The following RIMS2 variants were observed in gnomAD, a reference collection of about 807,000 sequenced individuals.
RIMS2 encodes the protein regulating synaptic membrane exocytosis protein 2.
In RIMS2, 59 loss-of-function variants were observed where a neutral mutation model predicts 174.4. That is an observed-to-expected ratio of 0.34 (90% CI 0.27 to 0.42). RIMS2 has a LOEUF of 0.42. Among genes scored for constraint, RIMS2 ranks in the 10% least tolerant of loss-of-function variants. RIMS2 has a pLI of 1.00. For missense variants in RIMS2, 1,620 were observed against 1,666.3 expected (o/e 0.97, Z 0.48); for synonymous variants, 606 against 572.5 (o/e 1.06, Z -0.84).
In RIMS2 at chr8:103,713,797, G is replaced by A. The variant is rs147627661; in HGVS notation, c.387+16501G>A. Among the ~76,000 whole-genome samples the A allele has an allele frequency of 2.2e-3, 332 of 152,144 alleles. 1 individual carries two copies. Among genetic ancestry groups the A allele is most frequent in the African/African-American group, 6.8e-3 (284 of 41,514 alleles). On this transcript the variant is annotated intron_variant, in intron 2 of 23. Transcript: ENST00000504942. ...GTTTCTAATGGCATAAAGAGTCACCGCTCTCTGATTTATTCCTTGCCTAAC... is the reference window on the plus strand; with the variant it reads ...GTTTCTAATGGCATAAAGAGTCACCACTCTCTGATTTATTCCTTGCCTAAC...
intron 17 of RIMS2, among the ~76,000 whole-genome samples, chr8:104,000,768 G>A (rs1324761625): frequency 6.6e-6 from 1 of 151,798 alleles, no homozygotes; most frequent in Middle Eastern, 3.2e-3. Flanking sequence ...TGGGTGAAAT[G>A]ATATCTCATT....
chr8:103,815,423 A>G (rs886853990), intron 3 of RIMS2, among the ~76,000 whole-genome samples: 1 of 152,144 alleles, frequency 6.6e-6, no homozygotes, highest in Admixed American at 6.5e-5. Context: ...TTTGCTTCCA[A>G]AAGTTCCTTA....
At chr8:104,210,665 T>C (rs1214461608) in intron 19 of RIMS2, among the ~76,000 whole-genome samples, 3 of 152,320 alleles carry the variant, frequency 2.0e-5, no homozygotes, top group South Asian at 4.1e-4. Context: ...TGTTTGCCCA[T>C]AGACTTCTGG....
chr8:103,653,037 TA>T (rs1162690568), intron 1 of RIMS2, among the ~76,000 whole-genome samples: 1 of 152,166 alleles, frequency 6.6e-6, no homozygotes, highest in African/African-American at 2.4e-5. Context: ...TAGAGGACAT[TA>T]AAAGATATTA....
chr8:103,890,582 C>T (rs146389559), intron 4 of RIMS2, among the ~76,000 whole-genome samples: 110 of 152,124 alleles, frequency 7.2e-4, no homozygotes, highest in Non-Finnish European at 1.1e-3. Flanking sequence ...TTTTCTTTTA[C>T]TCAGTGTGAT....
At chr8:103,612,622 A>G (rs1458659853) in intron 1 of RIMS2, among the ~76,000 whole-genome samples, 2 of 152,092 alleles carry the variant, frequency 1.3e-5, no homozygotes, top group East Asian at 3.9e-4. Flanking sequence ...GCTGTCACCC[A>G]GGCTGGAGTG....
At chr8:104,065,426 T>C (rs2097088485) in intron 19 of RIMS2, among the ~76,000 whole-genome samples, 1 of 152,126 alleles carries the variant, frequency 6.6e-6, no homozygotes, top group Non-Finnish European at 1.5e-5. Flanking sequence ...TATTACTGGA[T>C]TATTTTTCTT....
At chr8:103,982,606 C>A (rs1191736726) in intron 16 of RIMS2, among the ~76,000 whole-genome samples, 5 of 151,678 alleles carry the variant, frequency 3.3e-5, no homozygotes, top group Admixed American at 2.0e-4. Flanking sequence ...ATATACAAAC[C>A]AATTAATGTG....
At chr8:103,553,046 C>G (rs1020936153) in intron 1 of RIMS2, among the ~76,000 whole-genome samples, 1 of 152,130 alleles carries the variant, frequency 6.6e-6, no homozygotes, top group East Asian at 1.9e-4. Context: ...GGTGATTCCT[C>G]AAGGATCTAG....
chr8:103,527,736 A>C (rs13276817), intron 1 of RIMS2, among the ~76,000 whole-genome samples: 27,720 of 152,028 alleles, frequency 0.18, 2,777 homozygotes, highest in African/African-American at 0.26. Context: ...TTTTTTATGG[A>C]TGCATAGTAT....
chr8:103,715,082 G>A (rs1021456406), intron 2 of RIMS2, among the ~76,000 whole-genome samples: 2 of 152,052 alleles, frequency 1.3e-5, no homozygotes, highest in Admixed American at 6.6e-5. Context: ...ATCAACCAAG[G>A]ACACTGGCAT....
chr8:103,878,097 C>T (rs1349909479), intron 3 of RIMS2, among the ~76,000 whole-genome samples: 3 of 151,622 alleles, frequency 2.0e-5, no homozygotes, highest in Admixed American at 6.6e-5. Flanking sequence ...TGAATTCTCA[C>T]GATATCTGAT....
intron 15 of RIMS2, among the ~76,000 whole-genome samples, chr8:103,971,467 C>T (rs2092864258): frequency 6.6e-6 from 1 of 152,036 alleles, no homozygotes; most frequent in Non-Finnish European, 1.5e-5. Flanking sequence ...GATTCTTTTC[C>T]ACATATTTAA....
In RIMS2 at chr8:104,173,613, A is replaced by ATTTTTTTTTTTTTTTTTTTT. The variant is rs71297262; in HGVS notation, c.3335-71289_3335-71270dup. On this transcript the variant is annotated intron_variant, in intron 19 of 23. Transcript: ENST00000504942. ...AATATTTACTACCTTAGCTCTTCTG[A>ATTTTTTTTTTTTTTTTTTTT]TTTTTTTTTTTTTTTTTTTTTTTTT... is the stretch of plus-strand genomic sequence containing the variant. Among the ~76,000 whole-genome samples the ATTTTTTTTTTTTTTTTTTTT allele has an allele frequency of 5.5e-5, 3 of 54,236 alleles. 1 individual carries two copies. Among genetic ancestry groups the ATTTTTTTTTTTTTTTTTTTT allele is most frequent in the African/African-American group, 8.6e-5 (1 of 11,600 alleles). The allele number at this position is 54,236 out of a possible 152,430, so 35.6% of individuals were successfully genotyped here. A position where few individuals can be genotyped will look rare whatever the true frequency, so the allele number is the denominator to read the frequency against.
At chr8:103,604,085 C>G (rs1469009242) in intron 1 of RIMS2, among the ~76,000 whole-genome samples, 3 of 149,184 alleles carry the variant, frequency 2.0e-5, no homozygotes, top group African/African-American at 5.0e-5. Flanking sequence ...TGCCTATGTC[C>G]TGAATGGTAA....
intron 17 of RIMS2, among the ~76,000 whole-genome samples, chr8:103,989,753 TAAAC>T (rs1212392903): frequency 6.6e-6 from 1 of 152,204 alleles, no homozygotes. Flanking sequence ...TTTCTTGTCA[TAAAC>T]AATTATATAT....
rs574723746 is a variant in RIMS2 at position 103,523,073 on chromosome 8, G to A, written c.176+22011G>A. 2.0e-5 allele frequency among the ~76,000 whole-genome samples: 3 copies of A among 152,066 alleles called. No homozygotes were observed. The South Asian group carries it at 6.2e-4, about 32-fold the overall frequency. ...TAATCATTTTGCTGTGGCCAGGAAT[G>A]ATGATGGGATGTGTGTGTTTATGTG... On this transcript the variant is annotated intron_variant, in intron 1 of 23. Coordinates refer to ENST00000504942, the Ensembl canonical transcript of RIMS2.
At chr8:103,882,240 T>C (rs2154518813) in intron 3 of RIMS2, among the ~76,000 whole-genome samples, 1 of 151,614 alleles carries the variant, frequency 6.6e-6, no homozygotes, top group Admixed American at 6.6e-5. Flanking sequence ...AGATATACAG[T>C]AGAAACACAT....
chr8:104,015,131 A>G (rs1013340127), intron 19 of RIMS2, among the ~76,000 whole-genome samples: 15 of 152,144 alleles, frequency 9.9e-5, no homozygotes, highest in African/African-American at 3.4e-4. Context: ...ATTTGCTGAC[A>G]CTCACATGAA....
Sources: allele counts gnomAD v4.1 joint callset (sites outside exome capture counted in the v4.1 genomes callset), GRCh38; gene constraint gnomAD v4.1.1; transcripts MANE v1.5; gene names NCBI Gene and HGNC (gene_info 2026-07-23, HGNC 2026-07-21).